MFSD6: variants seen among roughly 807,000 people sequenced by gnomAD.
MFSD6 encodes major facilitator superfamily domain-containing protein 6.
Under a neutral mutation model 56.3 loss-of-function variants are expected in MFSD6, and 26 were observed. That is an observed-to-expected ratio of 0.46 (90% CI 0.34 to 0.64). The LOEUF (loss-of-function observed/expected upper bound fraction) is 0.64. Among genes scored for constraint, MFSD6 ranks in the 30% least tolerant of loss-of-function variants. MFSD6 has a pLI of 0.01. For missense variants in MFSD6, 750 were observed against 986.2 expected, an observed-to-expected ratio of 0.76 and a Z score of 3.21; for synonymous variants, 331 against 366.9, an observed-to-expected ratio of 0.90 and a Z score of 1.12.
At chr2:190,408,712 T>TCCCC (rs869131487) in intron 1 of MFSD6, among the ~76,000 whole-genome samples, 1 of 134,068 alleles carries the variant, frequency 7.5e-6, no homozygotes, top group Non-Finnish European at 1.6e-5. Flanking sequence ...CCTCCCTCCC[T>TCCCC]CCCCCGGCTT....
chr2:190,469,920 T>C lies in MFSD6; in HGVS notation c.1630+65T>C. On this transcript the variant is annotated intron_variant, in intron 4 of 7. Transcript: ENST00000392328. This position sits in a 1 kb window ranked among gnomAD's most constrained non-coding sequence, Gnocchi z 5.3. ...CCCTGAGCTGTGGCTAAAAGCCCAGTGGCCTTCAGCATCTGATTCTATAAA... is the reference window on the plus strand; with the variant it reads ...CCCTGAGCTGTGGCTAAAAGCCCAGCGGCCTTCAGCATCTGATTCTATAAA... The C allele has an allele frequency of 8.7e-6, 10 of 1,155,960 alleles. No individual in the cohort carries two copies. The highest frequency in any genetic ancestry group is 2.4e-5 in the East Asian group (1 of 41,044). 71.6% of individuals were successfully genotyped at this position (1,155,960 alleles called of 1,614,324 possible).
intron 4 of MFSD6, among the ~76,000 whole-genome samples, chr2:190,486,339 G>T (rs969418392): frequency 6.6e-6 from 1 of 152,192 alleles, no homozygotes; most frequent in East Asian, 1.9e-4. Flanking sequence ...ATGTTTTGCT[G>T]ATCAGTACTC....
chr2:190,482,583 A>T (rs1334976781), intron 4 of MFSD6, among the ~76,000 whole-genome samples: 1 of 152,066 alleles, frequency 6.6e-6, no homozygotes, highest in African/African-American at 2.4e-5. Context: ...GTACTGTGTC[A>T]GTTCTCACTC....
At position 190,417,187 on chromosome 2, in the gene MFSD6, C is replaced by A. The variant is rs1391071284; in HGVS notation, c.-54+1774C>A. 6.6e-6 allele frequency among the ~76,000 whole-genome samples: 1 copy of A among 152,010 alleles called. No homozygotes were observed. Among genetic ancestry groups the A allele is most frequent in the African/African-American group, 2.4e-5 (1 of 41,356 alleles). Reference sequence around the variant, plus strand: ...CTATTTCCAGATGTTATGAAAGGTCCCATTAGATATAGTGAATTCATAAAG... The same window carrying A: ...CTATTTCCAGATGTTATGAAAGGTCACATTAGATATAGTGAATTCATAAAG... On this transcript the variant is annotated intron_variant, in intron 2 of 7. Coordinates refer to ENST00000392328, the MANE Select transcript of MFSD6 (RefSeq NM_017694.4). This position sits in a 1 kb window ranked among gnomAD's most constrained non-coding sequence, Gnocchi z 5.7.
chr2:190,408,085 G>A (rs1007935873), upstream of MFSD6, among the ~76,000 whole-genome samples: 4 of 151,984 alleles, frequency 2.6e-5, no homozygotes, highest in South Asian at 2.1e-4. Flanking sequence ...GGGGCGGGCT[G>A]GAGGCCGGGA....
chr2:190,414,490 A>T (rs1575813409), intron 1 of MFSD6, among the ~76,000 whole-genome samples: 1 of 152,298 alleles, frequency 6.6e-6, no homozygotes, highest in South Asian at 2.1e-4. Flanking sequence ...AACATGACAC[A>T]TTTCAATTTT....
Position 190,500,770 on chromosome 2 carries a change from TA to T in MFSD6, c.*558del. The stretch of plus-strand genomic sequence containing the variant: ...TAAAAATAAAGTTAAAAGTTAAAGT[TA>T]AAAAATGAAGTTAAAAGTTTCATCA... On this transcript the variant is annotated 3_prime_UTR_variant, in exon 8 of 8. Coordinates refer to ENST00000392328, the MANE Select transcript of MFSD6 (RefSeq NM_017694.4). This position sits in a 1 kb window ranked among gnomAD's most constrained non-coding sequence, Gnocchi z 5.3. 6.5e-6 allele frequency: 1 copy of T among 152,782 alleles called. No individual in the cohort carries two copies. The highest frequency in any genetic ancestry group is 1.5e-5 in the Non-Finnish European group (1 of 68,512). The allele number at this position is 152,782 out of a possible 1,614,324, so 9.5% of individuals were successfully genotyped here.
At chr2:190,468,339 T>C (rs1380180814) in intron 3 of MFSD6, among the ~76,000 whole-genome samples, 1 of 152,210 alleles carries the variant, frequency 6.6e-6, no homozygotes, top group Non-Finnish European at 1.5e-5. Context: ...TTCTTTTTTG[T>C]CTTTTCTTCA....
Position 190,462,925 on chromosome 2 carries a change from A to AG in MFSD6, c.1533-6831dup, listed in dbSNP as rs531680045. ...ACTCTTACCACCATTCTAGCACTAG[A>AG]GGAGGGTACCATGATGTAACTCAGG... On this transcript the variant is annotated intron_variant, in intron 3 of 7. Transcript: ENST00000392328. The surrounding 1 kb of genome is among the most constrained non-coding windows in gnomAD (Gnocchi z 5.7). Among the ~76,000 whole-genome samples, 95 of 152,260 alleles carry AG rather than the reference A, an allele frequency of 6.2e-4. No homozygotes were observed. Among genetic ancestry groups the AG allele is most frequent in the African/African-American group, 2.2e-3 (90 of 41,548 alleles).
At position 190,437,454 on chromosome 2, in the gene MFSD6, C is replaced by T; in HGVS notation, c.1425C>T (p.Leu475=). The change falls in exon 3 of 8, where the codon CTC becomes CTT. Residue 475 remains leucine (L), a synonymous_variant. Transcript: ENST00000392328. This position sits in a 1 kb window ranked among gnomAD's most constrained non-coding sequence, Gnocchi z 5.9. ...FTFLYWHLED[L]NGTTTLFGVC... ...TTCTCTACTGGCATTTGGAAGACCT[C>T]AATGGAACTACAACCCTCTTTGGGG... The T allele has an allele frequency of 6.2e-7, 1 of 1,614,210 alleles. No individual in the cohort carries two copies. The highest frequency in any genetic ancestry group is 8.5e-7 in the Non-Finnish European group (1 of 1,180,036).
At chr2:190,460,681 T>C (rs1687280904) in intron 3 of MFSD6, among the ~76,000 whole-genome samples, 1 of 152,162 alleles carries the variant, frequency 6.6e-6, no homozygotes, top group Admixed American at 6.5e-5. Context: ...AGGCACGTGA[T>C]GCTGCAATCA....
chr2:190,475,084 T>C (rs1178179198), intron 4 of MFSD6, among the ~76,000 whole-genome samples: 3 of 152,162 alleles, frequency 2.0e-5, no homozygotes, highest in Non-Finnish European at 2.9e-5. Flanking sequence ...AAGAGCTATC[T>C]ATGACAAACC....
In MFSD6 at chr2:190,485,352, A is replaced by G. The variant is rs997810996; in HGVS notation, c.1631-3305A>G. Among the ~76,000 whole-genome samples, 5 of 152,310 alleles carry G rather than the reference A, an allele frequency of 3.3e-5. No homozygotes were observed. The highest frequency in any genetic ancestry group is 1.3e-4 in the Admixed American group (2 of 15,304). ...CAATTGATTGCTTAGACATACACAT[A>G]ACAAGAGGTTTGGCGTCAGCATTAA... is the stretch of plus-strand genomic sequence containing the variant. On this transcript the variant is annotated intron_variant, in intron 4 of 7. Transcript: ENST00000392328. This position sits in a 1 kb window ranked among gnomAD's most constrained non-coding sequence, Gnocchi z 5.1.
Position 190,459,067 on chromosome 2 carries a change from C to CCA in MFSD6, c.1533-10691_1533-10690insCA, listed in dbSNP as rs1687188762. On this transcript the variant is annotated intron_variant, in intron 3 of 7. Coordinates refer to ENST00000392328, the MANE Select transcript of MFSD6 (RefSeq NM_017694.4). This position sits in a 1 kb window ranked among gnomAD's most constrained non-coding sequence, Gnocchi z 5.3. ...AAAAGCCCTTCCCATCCTTGAGTCT[C>CCA]ACCTGCAGCTTTGCTTCTCCAACTC... is the stretch of plus-strand genomic sequence containing the variant. 6.6e-6 allele frequency among the ~76,000 whole-genome samples: 1 copy of CCA among 152,210 alleles called. No homozygotes were observed.
chr2:190,464,119 C>G (rs987477341), intron 3 of MFSD6, among the ~76,000 whole-genome samples: 3 of 152,188 alleles, frequency 2.0e-5, no homozygotes, highest in African/African-American at 4.8e-5. Context: ...ACCCTGGCCT[C>G]GAGCAACCTT....
At chr2:190,474,131 C>T (rs920457939) in intron 4 of MFSD6, among the ~76,000 whole-genome samples, 27 of 152,048 alleles carry the variant, frequency 1.8e-4, no homozygotes, top group Admixed American at 7.2e-4. Context: ...CCAAAATTGA[C>T]GCCCTAACAT....
In MFSD6 at chr2:190,418,124, C is replaced by G. The variant is rs1690864693; in HGVS notation, c.-54+2711C>G. ...CTGCACAGTGCATTGAGAGTCAGTA[C>G]CTGCTAAGAGCAGCACTGCTACTCA... On this transcript the variant is annotated intron_variant, in intron 2 of 7. Coordinates refer to ENST00000392328, the MANE Select transcript of MFSD6 (RefSeq NM_017694.4). The surrounding 1 kb of genome is among the most constrained non-coding windows in gnomAD (Gnocchi z 4.1). 6.6e-6 allele frequency among the ~76,000 whole-genome samples: 1 copy of G among 151,950 alleles called. No individual in the cohort carries two copies. Among genetic ancestry groups the G allele is most frequent in the South Asian group, 2.1e-4 (1 of 4,806 alleles).
chr2:190,467,810 T>G lies in MFSD6; in HGVS notation c.1533-1948T>G, dbSNP rs2125136877. Among the ~76,000 whole-genome samples, 1 of 152,350 alleles carries G rather than the reference T, an allele frequency of 6.6e-6. No homozygotes were observed. Among genetic ancestry groups the G allele is most frequent in the African/African-American group, 2.4e-5 (1 of 41,582 alleles). On this transcript the variant is annotated intron_variant, in intron 3 of 7. Transcript: ENST00000392328. This position sits in a 1 kb window ranked among gnomAD's most constrained non-coding sequence, Gnocchi z 5.5. ...AAAATTATTTTATGAAGTTTGCATT[T>G]CAGTGTTCATAATTCAGCTCTTGTT...
rs972210291 is a variant in MFSD6 at position 190,497,888 on chromosome 2, G to A, written c.2172+169G>A. On this transcript the variant is annotated intron_variant, in intron 7 of 7. Coordinates refer to ENST00000392328, the MANE Select transcript of MFSD6 (RefSeq NM_017694.4). The surrounding 1 kb of genome is among the most constrained non-coding windows in gnomAD (Gnocchi z 5.2). ...CTGTGAGCACTGAGTTAAAGAGGGT[G>A]TATACAAGGTCCCATAGAGAGAATA... 5.8e-5 allele frequency: 42 copies of A among 729,158 alleles called. 2 individuals are homozygous for A. In the South Asian group the frequency reaches 8.2e-4, roughly 14 times the overall value. The allele number at this position is 729,158 out of a possible 1,614,324, so 45.2% of individuals were successfully genotyped here.
Sources: gnomAD v4.1 joint callset for allele counts (sites outside exome capture counted in the v4.1 genomes callset) on GRCh38, gnomAD v4.1.1 for gene constraint, Gnocchi (gnomAD v3.1) non-coding constraint, MANE v1.5 for transcripts, NCBI Gene and HGNC (gene_info 2026-07-23, HGNC 2026-07-21) for gene names.